The following CEP63 variants were observed in gnomAD, a reference collection of about 807,000 sequenced individuals.
CEP63 encodes the protein centrosomal protein 63.
A neutral mutation model predicts 89.1 loss-of-function variants in CEP63; 84 were observed. That is an observed-to-expected ratio of 0.94 (90% CI 0.79 to 1.13). The LOEUF (loss-of-function observed/expected upper bound fraction) is 1.13. Among genes scored for constraint, CEP63 ranks in the 50% most tolerant of loss-of-function variants. The probability of loss-of-function intolerance (pLI) is 0.00; values close to 1 mark genes in which losing one functional copy is unlikely to be tolerated. For synonymous variants in CEP63, 267 were observed against 272.5 expected (o/e 0.98, Z 0.20); for missense variants, 838 against 813.3 (o/e 1.03, Z -0.37).
At chr3:134,531,141 T>G (rs1309620098) in intron 3 of CEP63, among the ~76,000 whole-genome samples, 1 of 152,244 alleles carries the variant, frequency 6.6e-6, no homozygotes, top group African/African-American at 2.4e-5. Flanking sequence ...CTGACGTTAC[T>G]ATTCTGTACT....
chr3:134,544,715 A>C (rs1273962543), intron 6 of CEP63, among the ~76,000 whole-genome samples: 1 of 152,008 alleles, frequency 6.6e-6, no homozygotes, highest in African/African-American at 2.4e-5. Context: ...ATAATAATGC[A>C]TTATAGTTCC....
the CEP63 span, among the ~76,000 whole-genome samples, chr3:134,728,217 G>A: frequency 2.0e-3 from 298 of 152,282 alleles, 3 homozygotes; most frequent in African/African-American, 6.8e-3. Context: ...TAATTTCAGT[G>A]AGCGTCAGTG....
chr3:134,555,003 G>C (rs1376233294), intron 12 of CEP63, among the ~76,000 whole-genome samples: 1 of 152,064 alleles, frequency 6.6e-6, no homozygotes, highest in Non-Finnish European at 1.5e-5. Context: ...CAGATGAGTA[G>C]GTTGCCAAAG....
At chr3:134,674,849 A>T in the CEP63 span, among the ~76,000 whole-genome samples, 6 of 152,220 alleles carry the variant, frequency 3.9e-5, no homozygotes, top group African/African-American at 1.4e-4. Context: ...AATACTTAAG[A>T]ATATATTCAA....
chr3:134,742,482 C>A, the CEP63 span, among the ~76,000 whole-genome samples: 8 of 152,244 alleles, frequency 5.3e-5, no homozygotes, highest in East Asian at 1.5e-3. Flanking sequence ...GGTTATCAAG[C>A]AGAAAATACT....
chr3:134,716,732 C>A, the CEP63 span, among the ~76,000 whole-genome samples: 1 of 152,116 alleles, frequency 6.6e-6, no homozygotes, highest in African/African-American at 2.4e-5. Flanking sequence ...CAACAGCCAC[C>A]CCCCCAATCC....
At chr3:134,530,849 C>G (rs1424847440) in intron 3 of CEP63, among the ~76,000 whole-genome samples, 6 of 152,120 alleles carry the variant, frequency 3.9e-5, no homozygotes, top group African/African-American at 1.4e-4. Flanking sequence ...ATTTCTAGTA[C>G]TTTAAAAAAA....
At chr3:134,581,678 C>CTTTTTT (rs1307921869) in intron 10 of CEP63, among the ~76,000 whole-genome samples, 8 of 18,530 alleles carry the variant, frequency 4.3e-4, no homozygotes, top group African/African-American at 1.1e-3. Flanking sequence ...ATGATGAAAA[C>CTTTTTT]ATTTTTTTTT....
the CEP63 span, among the ~76,000 whole-genome samples, chr3:134,708,786 A>G: frequency 6.6e-6 from 1 of 152,174 alleles, no homozygotes; most frequent in East Asian, 1.9e-4. Context: ...AGGGATGACC[A>G]AGCAAGATGA....
the CEP63 span, among the ~76,000 whole-genome samples, chr3:134,653,645 G>A: frequency 2.6e-5 from 4 of 152,206 alleles, no homozygotes; most frequent in African/African-American, 9.7e-5. Flanking sequence ...GAAGGCATTT[G>A]GATGTATCAG....
chr3:134,693,756 C>T, the CEP63 span, among the ~76,000 whole-genome samples: 5 of 152,176 alleles, frequency 3.3e-5, no homozygotes, highest in Non-Finnish European at 7.3e-5. Flanking sequence ...GGCTAAAGAA[C>T]GTAGAGAACC....
chr3:134,583,561 C>T (rs1577518771), intron 10 of CEP63, among the ~76,000 whole-genome samples: 1 of 152,078 alleles, frequency 6.6e-6, no homozygotes, highest in African/African-American at 2.4e-5. Context: ...GTACCAGTAC[C>T]ATGCTGTTTT....
At chr3:134,505,945 T>G (rs1943331686) in intron 2 of CEP63, among the ~76,000 whole-genome samples, 2 of 152,222 alleles carry the variant, frequency 1.3e-5, no homozygotes, top group South Asian at 4.1e-4. Flanking sequence ...GAGCAAAAGC[T>G]AAGTTGATCC....
the CEP63 span, among the ~76,000 whole-genome samples, chr3:134,703,484 A>T: frequency 1.3e-5 from 2 of 152,166 alleles, no homozygotes; most frequent in Non-Finnish European, 2.9e-5. Context: ...AGGAACATGG[A>T]TGGAGCTGGA....
chr3:134,611,765 C>T, the CEP63 span, among the ~76,000 whole-genome samples: 2 of 152,160 alleles, frequency 1.3e-5, no homozygotes, highest in East Asian at 3.9e-4. Context: ...GGGGCTGGGC[C>T]CTTCCACAGA....
chr3:134,573,494 T>C lies in CEP63; in HGVS notation c.1330-1299T>C, dbSNP rs113026053. 1.7e-3 allele frequency among the ~76,000 whole-genome samples: 252 copies of C among 152,346 alleles called. 1 individual carries two copies. Among genetic ancestry groups the C allele is most frequent in the African/African-American group, 5.8e-3 (242 of 41,588 alleles). On this transcript the variant is annotated intron_variant, in intron 11 of 11. Transcript: ENST00000354446. Reference sequence around the variant, plus strand: ...GGTTAGCCAGCTATCCCAGCACCGTTTGTTGAATAGGAAGTCCTTTCCCCA... The same window carrying C: ...GGTTAGCCAGCTATCCCAGCACCGTCTGTTGAATAGGAAGTCCTTTCCCCA...
At chr3:134,694,187 C>T in the CEP63 span, among the ~76,000 whole-genome samples, 4 of 152,040 alleles carry the variant, frequency 2.6e-5, no homozygotes, top group African/African-American at 9.7e-5. Flanking sequence ...AAGGTGGACT[C>T]CATGCTAATG....
At chr3:134,539,358 CT>C (rs1211578944) in intron 6 of CEP63, among the ~76,000 whole-genome samples, 3 of 152,122 alleles carry the variant, frequency 2.0e-5, no homozygotes, top group African/African-American at 7.2e-5. Context: ...TCTTGTCAAA[CT>C]GAAACTCTAT....
In CEP63 at chr3:134,550,227, G is replaced by T. The variant is rs1255179224; in HGVS notation, c.1347G>T (p.Met449Ile). 1.2e-6 allele frequency: 2 copies of T among 1,614,166 alleles called. No individual in the cohort carries two copies. Among genetic ancestry groups the T allele is most frequent in the South Asian group, 2.2e-5 (2 of 91,090 alleles). ...SDMEKRLRAE[M>I]QKAEDKAVEH... ...TGGAAAAGCGACTCAGAGCAGAGATGCAAAAGGCAGAAGACAAAGCAGTAG... is the reference window on the plus strand; with the variant it reads ...TGGAAAAGCGACTCAGAGCAGAGATTCAAAAGGCAGAAGACAAAGCAGTAG... Residue 449 changes from methionine (M) to isoleucine (I), a missense_variant, in exon 11 of 15, where the codon ATG becomes ATT. Transcript: ENST00000675561.
Sources: allele counts gnomAD v4.1 joint callset (sites outside exome capture counted in the v4.1 genomes callset), GRCh38; gene constraint gnomAD v4.1.1; transcripts MANE v1.5; gene names NCBI Gene and HGNC (gene_info 2026-07-23, HGNC 2026-07-21).